Variants in RBMS3 observed in about 807,000 individuals in gnomAD.
RBMS3 encodes RNA binding motif single stranded interacting protein 3.
RBMS3 carries 27 observed loss-of-function variants against 66.8 expected under a neutral mutation model. The observed-to-expected ratio is 0.40, with a 90% CI of 0.30 to 0.56. The LOEUF (loss-of-function observed/expected upper bound fraction) is 0.56. Ranked by LOEUF, RBMS3 falls within the 20% of genes least tolerant of loss-of-function variation. RBMS3 has a pLI of 0.40. For missense variants in RBMS3, 513 were observed against 549.5 expected, an observed-to-expected ratio of 0.93 and a Z score of 0.66; for synonymous variants, 188 against 183.0, an observed-to-expected ratio of 1.03 and a Z score of -0.22.
At chr3:29,952,649 A>G (rs903509828) in intron 12 of RBMS3, among the ~76,000 whole-genome samples, 1 of 151,902 alleles carries the variant, frequency 6.6e-6, no homozygotes, top group African/African-American at 2.4e-5. Flanking sequence ...ATTACAAAAT[A>G]CTTATACTTA....
At chr3:29,357,014 TAGTG>T (rs1190839193) in intron 1 of RBMS3, among the ~76,000 whole-genome samples, 3 of 152,054 alleles carry the variant, frequency 2.0e-5, no homozygotes, top group Non-Finnish European at 4.4e-5. Context: ...AAGGGAAAAA[TAGTG>T]GGTACAATCA....
chr3:30,000,442 G>A (rs1033918703), intron 14 of RBMS3, among the ~76,000 whole-genome samples: 1 of 152,178 alleles, frequency 6.6e-6, no homozygotes, highest in Non-Finnish European at 1.5e-5. Context: ...CTGTTGGTGG[G>A]AGTGTAAATT....
At chr3:29,464,704 C>T (rs1371519291) in intron 2 of RBMS3, among the ~76,000 whole-genome samples, 1 of 152,136 alleles carries the variant, frequency 6.6e-6, no homozygotes, top group Non-Finnish European at 1.5e-5. Context: ...GAATGTTATT[C>T]ATCATTCAGG....
intron 4 of RBMS3, among the ~76,000 whole-genome samples, chr3:29,711,421 G>T (rs2053164496): frequency 6.6e-6 from 1 of 152,102 alleles, no homozygotes; most frequent in African/African-American, 2.4e-5. Flanking sequence ...AGTTTCTATG[G>T]TTTGACTCTG....
intron 4 of RBMS3, among the ~76,000 whole-genome samples, chr3:29,725,411 A>G (rs1055936550): frequency 3.9e-5 from 6 of 152,204 alleles, no homozygotes; most frequent in African/African-American, 1.4e-4. Flanking sequence ...TGTTTCAAAA[A>G]TTCAGTGAAT....
chr3:29,375,555 A>C (rs1006711754), intron 1 of RBMS3, among the ~76,000 whole-genome samples: 4 of 152,246 alleles, frequency 2.6e-5, no homozygotes, highest in African/African-American at 9.6e-5. Context: ...ACATGAACAG[A>C]CACTTATCAA....
chr3:29,811,665 A>T (rs1054985758), intron 6 of RBMS3, among the ~76,000 whole-genome samples: 2 of 152,126 alleles, frequency 1.3e-5, no homozygotes, highest in Non-Finnish European at 2.9e-5. Flanking sequence ...GCTAAATTAT[A>T]CATTGCTCAG....
chr3:29,605,296 A>G (rs2048286346), intron 4 of RBMS3, among the ~76,000 whole-genome samples: 1 of 151,880 alleles, frequency 6.6e-6, no homozygotes, highest in South Asian at 2.1e-4. Context: ...TAAAAAGGTC[A>G]ATGCACCAGC....
At chr3:29,847,302 T>C (rs1377540394) in intron 6 of RBMS3, among the ~76,000 whole-genome samples, 1 of 152,260 alleles carries the variant, frequency 6.6e-6, no homozygotes. Flanking sequence ...TTTGTTTACA[T>C]ATAACTTCTG....
At chr3:29,371,343 G>A (rs1292510797) in intron 1 of RBMS3, among the ~76,000 whole-genome samples, 1 of 152,232 alleles carries the variant, frequency 6.6e-6, no homozygotes, top group Non-Finnish European at 1.5e-5. Context: ...GGTTTTGCCA[G>A]TGAGCCTGGG....
chr3:29,450,932 C>CACACA (rs1491094947), intron 2 of RBMS3, among the ~76,000 whole-genome samples: 1 of 57,252 alleles, frequency 1.7e-5, no homozygotes, highest in African/African-American at 5.2e-5. Context: ...CACACACACA[C>CACACA]CCCCCACACA....
At chr3:29,673,683 A>G (rs1288557970) in intron 4 of RBMS3, among the ~76,000 whole-genome samples, 1 of 152,116 alleles carries the variant, frequency 6.6e-6, no homozygotes, top group Non-Finnish European at 1.5e-5. Flanking sequence ...GGACAAATAT[A>G]CCCTCCCAAG....
In RBMS3 at chr3:29,434,771, T is replaced by G. The variant is rs1435221056; in HGVS notation, c.104T>G (p.Met35Arg). The part of the protein sequence containing the change: ...KQSYAPAPHP[M>R]APPSPSTNSS... ...TCCTATGCACCAGCTCCCCACCCCATGGCTCCTCCCAGCCCCAGCACAAAC... is the reference window on the plus strand; with the variant it reads ...TCCTATGCACCAGCTCCCCACCCCAGGGCTCCTCCCAGCCCCAGCACAAAC... The change falls in exon 2 of 15, where the codon ATG (methionine) becomes AGG (arginine). Residue 35 changes from methionine (M) to arginine (R), a missense_variant. Physicochemically the swap from Met to Arg is moderately conservative, Grantham distance 91. Transcript: ENST00000383767. 2 of 1,613,826 alleles carry G rather than the reference T, an allele frequency of 1.2e-6. No individual in the cohort carries two copies. Among genetic ancestry groups the G allele is most frequent in the Non-Finnish European group, 1.7e-6 (2 of 1,179,920 alleles).
intron 3 of RBMS3, among the ~76,000 whole-genome samples, chr3:29,561,432 T>TTTGTTGTTGTTGTTG (rs372349286): frequency 2.0e-5 from 3 of 148,948 alleles, no homozygotes; most frequent in African/African-American, 7.6e-5. Flanking sequence ...ATCTGTTGTT[T>TTTGTTGTTGTTGTTG]TTGTTGTTGT....
At chr3:29,850,182 G>A (rs1449612183) in intron 6 of RBMS3, among the ~76,000 whole-genome samples, 4 of 152,102 alleles carry the variant, frequency 2.6e-5, no homozygotes, top group Admixed American at 6.5e-5. Flanking sequence ...GAGGGGATAC[G>A]CAGAAAAAGT....
chr3:29,320,763 C>A (rs1348789272), intron 1 of RBMS3, among the ~76,000 whole-genome samples: 1 of 151,804 alleles, frequency 6.6e-6, no homozygotes, highest in Non-Finnish European at 1.5e-5. Context: ...ATAACTGTGG[C>A]CCTTTTTTGA....
chr3:30,000,727 T>C (rs985746003), intron 14 of RBMS3, among the ~76,000 whole-genome samples: 1 of 152,186 alleles, frequency 6.6e-6, no homozygotes, highest in African/African-American at 2.4e-5. Flanking sequence ...GATGAGTTCA[T>C]GTCCTTTGTA....
chr3:29,738,112 A>G (rs2054462789), intron 4 of RBMS3, among the ~76,000 whole-genome samples: 1 of 152,208 alleles, frequency 6.6e-6, no homozygotes, highest in South Asian at 2.1e-4. Context: ...CTGAATATTT[A>G]GTTGTTAAAA....
intron 6 of RBMS3, among the ~76,000 whole-genome samples, chr3:29,857,991 T>C (rs1291062583): frequency 6.6e-6 from 1 of 152,178 alleles, no homozygotes; most frequent in African/African-American, 2.4e-5. Flanking sequence ...AAATTCTTCA[T>C]ATATAATTAA....
Sources: gnomAD v4.1 joint callset for allele counts (sites outside exome capture counted in the v4.1 genomes callset) on GRCh38, gnomAD v4.1.1 for gene constraint, MANE v1.5 for transcripts, NCBI Gene and HGNC (gene_info 2026-07-23, HGNC 2026-07-21) for gene names.